The following TM9SF2 variants were observed in gnomAD, a reference collection of about 807,000 sequenced individuals.
The protein encoded by TM9SF2 is transmembrane 9 superfamily member 2.
TM9SF2 carries 13 observed loss-of-function variants against 84.9 expected under a neutral mutation model. The observed-to-expected ratio is 0.15, with a 90% confidence interval of 0.10 to 0.24. The LOEUF (loss-of-function observed/expected upper bound fraction) is 0.24, where lower values mean the gene tolerates loss of function less well. Ranked by LOEUF, TM9SF2 falls within the 10% of genes least tolerant of loss-of-function variation. The pLI, the probability that TM9SF2 is intolerant of heterozygous loss-of-function variation, is 1.00. For missense variants in TM9SF2, 562 were observed against 818.5 expected (o/e 0.69, Z 3.82); for synonymous variants, 273 against 285.8 (o/e 0.96, Z 0.45).
intron 11 of TM9SF2, among the ~76,000 whole-genome samples, chr13:99,547,596 G>A (rs7994497): frequency 0.025 from 3,806 of 152,198 alleles, 157 homozygotes; most frequent in African/African-American, 0.085. Context: ...TTATTTTGGA[G>A]ACCTGGAAAG....
intron 5 of TM9SF2, among the ~76,000 whole-genome samples, chr13:99,537,040 G>A (rs1335851172): frequency 6.6e-6 from 1 of 152,126 alleles, no homozygotes; most frequent in Non-Finnish European, 1.5e-5. Context: ...AATGTACATA[G>A]TAGAGTGTCA....
At position 99,501,571 on chromosome 13, in the gene TM9SF2, C is replaced by G. The variant is rs1429387189; in HGVS notation, c.-36C>G. ...CCCACCCCTCCTTCCCTCTTGACCC[C>G]CTAGGTTTGATTGCCCTTTCCCCGA... On this transcript the variant is annotated 5_prime_UTR_variant, in exon 1 of 17. Coordinates refer to ENST00000376387, the MANE Select transcript of TM9SF2 (RefSeq NM_004800.3). The G allele has an allele frequency of 1.2e-6, 2 of 1,606,872 alleles. No individual in the cohort carries two copies. The highest frequency in any genetic ancestry group is 3.4e-5 in the Admixed American group (2 of 59,358).
At chr13:99,513,397 A>G (rs1163326927) in intron 1 of TM9SF2, among the ~76,000 whole-genome samples, 1 of 152,222 alleles carries the variant, frequency 6.6e-6, no homozygotes, top group Non-Finnish European at 1.5e-5. Context: ...TTTTCCCTCA[A>G]TCTTAGACTC....
chr13:99,518,376 G>C (rs1033028257), intron 2 of TM9SF2, among the ~76,000 whole-genome samples: 1 of 152,220 alleles, frequency 6.6e-6, no homozygotes, highest in Non-Finnish European at 1.5e-5. Flanking sequence ...CTCCCAAAGT[G>C]ATGGGATTAC....
chr13:99,506,726 A>C (rs2046090098), intron 1 of TM9SF2, among the ~76,000 whole-genome samples: 1 of 152,162 alleles, frequency 6.6e-6, no homozygotes, highest in Non-Finnish European at 1.5e-5. Flanking sequence ...GAAACAAATC[A>C]CAGATATATG....
At chr13:99,552,121 A>AT (rs1322940715) in intron 12 of TM9SF2, 46 bp from the exon 13 acceptor site, 13 of 1,577,812 alleles carry the variant, frequency 8.2e-6, no homozygotes, top group Non-Finnish European at 1.1e-5. Flanking sequence ...CTACTGTTGC[A>AT]TTTTGTTATC....
intron 3 of TM9SF2, among the ~76,000 whole-genome samples, chr13:99,523,973 A>C (rs2046171234): frequency 1.3e-5 from 2 of 152,106 alleles, no homozygotes; most frequent in African/African-American, 4.8e-5. Flanking sequence ...AGCCATGTGA[A>C]TATGTGGGGG....
chr13:99,525,334 G>C (rs371290374), intron 3 of TM9SF2, among the ~76,000 whole-genome samples: 7 of 151,880 alleles, frequency 4.6e-5, no homozygotes, highest in African/African-American at 1.5e-4. Context: ...CTCCACCTCC[G>C]AGGCTCCAGT....
intron 9 of TM9SF2, among the ~76,000 whole-genome samples, chr13:99,542,691 C>T (rs1182699764): frequency 2.0e-5 from 3 of 151,896 alleles, no homozygotes; most frequent in Non-Finnish European, 4.4e-5. Context: ...AGTCTCTTTC[C>T]TATGATTTTT....
At chr13:99,537,914 C>A in intron 6 of TM9SF2, 51 bp downstream of exon 6, 2 of 1,557,416 alleles carry the variant, frequency 1.3e-6, no homozygotes, top group South Asian at 1.2e-5. Flanking sequence ...AATTTAGACC[C>A]AAAGAATAAG....
rs1337830682 is a variant in TM9SF2 at position 99,537,859 on chromosome 13, A to G, written c.712A>G (p.Lys238Glu). The G allele has an allele frequency of 1.2e-6, 2 of 1,602,952 alleles. No individual in the cohort carries two copies. The highest frequency in any genetic ancestry group is 2.7e-5 in the African/African-American group (2 of 74,304). Reference protein sequence around the residue: ...ARLVAAKLEPKSFKHTHIDKP... With the variant: ...ARLVAAKLEPESFKHTHIDKP... The stretch of plus-strand genomic sequence containing the variant: ...ATTAGTGGCTGCTAAACTTGAACCG[A>G]AAAGGTAATTATATTAATGATAAAA... The change falls in exon 6 of 17, where the codon AAA (lysine) becomes GAA (glutamate). Residue 238 changes from lysine (K) to glutamate (E), a missense_variant. Lys to Glu is a moderately conservative substitution (Grantham distance 56). Around this residue, in one of 4 missense-constraint regions of TM9SF2, gnomAD observed 267 missense variants for 316.7 expected, o/e 0.84. Transcript: ENST00000376387.
At chr13:99,542,390 A>G (rs1191871809) in intron 9 of TM9SF2, among the ~76,000 whole-genome samples, 5 of 152,194 alleles carry the variant, frequency 3.3e-5, no homozygotes, top group Admixed American at 1.3e-4. Context: ...ACAAATTTGT[A>G]TCATTTCAAC....
chr13:99,508,383 T>G (rs1253740418), intron 1 of TM9SF2, among the ~76,000 whole-genome samples: 1 of 114,716 alleles, frequency 8.7e-6, no homozygotes. Context: ...ATGTTTAGAG[T>G]GGGAAAAAAA....
chr13:99,503,271 C>T (rs556176824), intron 1 of TM9SF2, among the ~76,000 whole-genome samples: 2 of 152,128 alleles, frequency 1.3e-5, no homozygotes, highest in East Asian at 1.9e-4. Context: ...ATATTTCCTG[C>T]CCTCTGGGAA....
intron 1 of TM9SF2, among the ~76,000 whole-genome samples, chr13:99,504,219 A>G (rs1008760062): frequency 6.6e-6 from 1 of 152,380 alleles, no homozygotes; most frequent in African/African-American, 2.4e-5. Flanking sequence ...AGTCTTGTAC[A>G]CATTATTCAG....
chr13:99,538,218 T>C (rs948415147), intron 6 of TM9SF2, among the ~76,000 whole-genome samples: 7 of 152,164 alleles, frequency 4.6e-5, no homozygotes, highest in Non-Finnish European at 8.8e-5. Flanking sequence ...TTTCCTCTGG[T>C]CAGAGGCCCA....
intron 11 of TM9SF2, among the ~76,000 whole-genome samples, chr13:99,548,029 A>G (rs1359174905): frequency 6.6e-6 from 1 of 152,224 alleles, no homozygotes; most frequent in Admixed American, 6.5e-5. Flanking sequence ...CTTCCCCTTT[A>G]CTAAAGGAGG....
In TM9SF2 at chr13:99,520,264, A is replaced by C. The variant is rs1199953622; in HGVS notation, c.333+135A>C. The C allele has an allele frequency of 5.9e-6, 4 of 681,992 alleles. 1 individual carries two copies. The African/African-American group carries it at 7.3e-5, about 12-fold the overall frequency. 42.2% of individuals were successfully genotyped at this position (681,992 alleles called of 1,614,324 possible). On this transcript the variant is annotated intron_variant, in intron 3 of 16. Transcript: ENST00000376387. ...CTTTTTCATCTAGGAATAGGTTCTTAAAATCAAAGTTAGAAGGATCCTTCT... is the reference window on the plus strand; with the variant it reads ...CTTTTTCATCTAGGAATAGGTTCTTCAAATCAAAGTTAGAAGGATCCTTCT...
rs1462079287 is a variant in TM9SF2 at position 99,541,631 on chromosome 13, C to T, written c.981C>T (p.His327=). 3 of 1,612,682 alleles carry T rather than the reference C, an allele frequency of 1.9e-6. No homozygotes were observed. The highest frequency in any genetic ancestry group is 8.5e-7 in the Non-Finnish European group (1 of 1,179,222). Residue 327 remains histidine (H), a synonymous_variant, in exon 9 of 17, where the codon CAC becomes CAT. Transcript: ENST00000376387. ...MVAMIMLRTL[H]KDIARYNQMD... is the part of the protein sequence containing the mutation. ...CTATGATTATGTTACGGACACTGCA[C>T]AAAGATATTGCTAGATATAATCAGA... is the stretch of plus-strand genomic sequence containing the variant.
Sources: gnomAD v4.1 joint callset for allele counts (sites outside exome capture counted in the v4.1 genomes callset) on GRCh38, gnomAD v4.1.1 for gene constraint, gnomAD v4.1.1 regional missense constraint, MANE v1.5 for transcripts, NCBI Gene and HGNC (gene_info 2026-07-23, HGNC 2026-07-21) for gene names.